Variants in HNRNPLL observed in about 807,000 individuals in gnomAD.
The protein encoded by HNRNPLL is heterogeneous nuclear ribonucleoprotein L-like.
In HNRNPLL, 25 loss-of-function variants were observed where a neutral mutation model predicts 67.1. The ratio of observed to expected loss-of-function variants is 0.37; its 90% CI spans 0.27 to 0.52. The LOEUF (loss-of-function observed/expected upper bound fraction) is 0.52, where lower values mean the gene tolerates loss of function less well. HNRNPLL is among the 20% of genes least tolerant of loss of function. The pLI is 0.90. For synonymous variants in HNRNPLL, 267 were observed against 241.7 expected (o/e 1.10, Z -0.97); for missense variants, 542 against 673.9 (o/e 0.80, Z 2.17).
At position 38,591,646 on chromosome 2, in the gene HNRNPLL, C is replaced by A. The variant is rs944080276; in HGVS notation, c.192G>T (p.Glu64Asp). Residue 64 changes from glutamate (E) to aspartate (D), a missense_variant and splice_region_variant, in exon 2 of 13, where the codon GAG becomes GAT. Glu to Asp is a conservative substitution (Grantham distance 45). Transcript: ENST00000449105. ...AAACTTTATGATGACTTCCACCTGC[C>A]TCCTAGCAAGAGAAAATAATTTCTA... The part of the protein sequence containing the change: ...GGGGRSFSQP[E>D]AGGSHHKVSV... 7.5e-6 allele frequency: 12 copies of A among 1,600,698 alleles called. No homozygotes were observed. The highest frequency in any genetic ancestry group is 9.4e-6 in the Non-Finnish European group (11 of 1,168,320).
intron 1 of HNRNPLL, among the ~76,000 whole-genome samples, chr2:38,596,627 A>G (rs1667204164): frequency 6.6e-6 from 1 of 152,122 alleles, no homozygotes; most frequent in Admixed American, 6.6e-5. Flanking sequence ...TGACTCCTAA[A>G]CTGGTGAACA....
chr2:38,595,295 A>AAAG (rs1164810480), intron 1 of HNRNPLL, among the ~76,000 whole-genome samples: 1 of 143,714 alleles, frequency 7.0e-6, no homozygotes, highest in Non-Finnish European at 1.5e-5. Context: ...AAAAAAAAAA[A>AAAG]AAGAAAAGAA....
intron 7 of HNRNPLL, among the ~76,000 whole-genome samples, chr2:38,575,888 G>A (rs1048104822): frequency 4.6e-5 from 7 of 151,030 alleles, no homozygotes; most frequent in Non-Finnish European, 8.9e-5. Context: ...CTCTTTATTC[G>A]CTCTCTTTCC....
At position 38,568,412 on chromosome 2, in the gene HNRNPLL, A is replaced by C. The variant is rs200810217; in HGVS notation, c.1448T>G (p.Ile483Ser). ...TTTTGCATCAAACACTTTATATTTG[A>C]TGAATGTAAGAACTTCATGGTCATT... ...LCNDHEVLTFIKYKVFDAKPS... is the reference protein window; with the variant it reads ...LCNDHEVLTFSKYKVFDAKPS... Residue 483 changes from isoleucine (I) to serine (S), a missense_variant, in exon 11 of 13, where the codon ATC (isoleucine) becomes AGC (serine). By Grantham distance (142) the Ile-to-Ser change is moderately radical. This residue lies in a region of HNRNPLL where 415 missense variants were observed against 575.2 expected (regional missense o/e 0.72). Coordinates refer to ENST00000449105, the MANE Select transcript of HNRNPLL (RefSeq NM_138394.4). 7.5e-6 allele frequency: 12 copies of C among 1,608,634 alleles called. No individual in the cohort carries two copies. The highest frequency in any genetic ancestry group is 8.5e-6 in the Non-Finnish European group (10 of 1,176,226).
At chr2:38,580,820 T>C (rs1431804077) in intron 6 of HNRNPLL, among the ~76,000 whole-genome samples, 1 of 152,230 alleles carries the variant, frequency 6.6e-6, no homozygotes, top group Non-Finnish European at 1.5e-5. Context: ...TTTAAAGATA[T>C]TCTATCTTGA....
chr2:38,582,031 C>A, intron 5 of HNRNPLL, 41 bp downstream of exon 5: 1 of 1,597,704 alleles, frequency 6.3e-7, no homozygotes. Context: ...ATATCCAAAG[C>A]ATAAATATTT....
intron 12 of HNRNPLL, among the ~76,000 whole-genome samples, chr2:38,567,381 G>A (rs1665908005): frequency 6.6e-6 from 1 of 152,096 alleles, no homozygotes; most frequent in Non-Finnish European, 1.5e-5. Flanking sequence ...CTCCCAAAGT[G>A]CTGGGATTAC....
intron 2 of HNRNPLL, 144 bp from the exon 3 acceptor site, chr2:38,586,025 C>CTTTT: frequency 5.6e-6 from 3 of 538,594 alleles, no homozygotes; most frequent in African/African-American, 2.0e-5. Context: ...CGTAAGTCAA[C>CTTTT]TTTTTTTTTT....
intron 4 of HNRNPLL, 135 bp from the exon 5 acceptor site, chr2:38,582,303 T>G (rs1666559930): frequency 1.4e-6 from 1 of 703,622 alleles, no homozygotes; most frequent in Admixed American, 2.6e-5. Context: ...AGGATGAATT[T>G]TAAGAGAATT....
rs1466415757 is a variant in HNRNPLL, at chr2:38,562,614, A to G, written c.*1568T>C. On this transcript the variant is annotated 3_prime_UTR_variant, in exon 13 of 13. Transcript: ENST00000449105. ...GATAAACTTAGGTATTAAATTGGCA[A>G]TGAATAAGAAACATACATAGCCCAG... is the stretch of plus-strand genomic sequence containing the variant. The G allele has an allele frequency of 6.6e-6, 1 of 152,196 alleles. No individual in the cohort carries two copies. The highest frequency in any genetic ancestry group is 1.5e-5 in the Non-Finnish European group (1 of 67,994). 9.4% of individuals were successfully genotyped at this position (152,196 alleles called of 1,614,324 possible).
Position 38,562,458 on chromosome 2 carries a change from C to A in HNRNPLL, c.*1724G>T, listed in dbSNP as rs1665706456. The A allele has an allele frequency of 1.3e-5, 2 of 152,136 alleles. No individual in the cohort carries two copies. The highest frequency in any genetic ancestry group is 2.9e-5 in the Non-Finnish European group (2 of 68,004). The allele number at this position is 152,136 out of a possible 1,614,324, so 9.4% of individuals were successfully genotyped here. ...GGCATTAAAAAGTCTGTAATTCTGA[C>A]AACCCACATTAATTTTCAGAGGAGG... is the stretch of plus-strand genomic sequence containing the variant. On this transcript the variant is annotated 3_prime_UTR_variant, in exon 13 of 13. Coordinates refer to ENST00000449105, the MANE Select transcript of HNRNPLL (RefSeq NM_138394.4).
intron 2 of HNRNPLL, among the ~76,000 whole-genome samples, chr2:38,591,247 T>C (rs1260391632): frequency 6.6e-6 from 1 of 151,882 alleles, no homozygotes; most frequent in Non-Finnish European, 1.5e-5. Context: ...ACGGACTCAT[T>C]TGAAAATCAG....
At position 38,602,811 on chromosome 2, in the gene HNRNPLL, G is replaced by A; in HGVS notation, c.-185C>T. ...CTGAGAAGCGCGGACGGACTGAGGG[G>A]GGCGCCCCGGGAGGAAGCTCTGGAG... is the stretch of plus-strand genomic sequence containing the variant. On this transcript the variant is annotated 5_prime_UTR_variant, in exon 1 of 13. Transcript: ENST00000449105. 1.3e-6 allele frequency: 2 copies of A among 1,544,928 alleles called. No individual in the cohort carries two copies. The highest frequency in any genetic ancestry group is 8.7e-7 in the Non-Finnish European group (1 of 1,144,704).
chr2:38,601,682 T>A (rs1440980159), intron 1 of HNRNPLL: 3 of 152,182 alleles, frequency 2.0e-5, no homozygotes, highest in East Asian at 1.9e-4. Context: ...TGAGCTCACT[T>A]CATCCTTTCA....
intron 4 of HNRNPLL, among the ~76,000 whole-genome samples, chr2:38,582,379 G>A (rs1302963123): frequency 1.3e-5 from 2 of 152,004 alleles, no homozygotes; most frequent in Non-Finnish European, 2.9e-5. Flanking sequence ...GGCGCGACCT[G>A]GGCTCAATGC....
intron 12 of HNRNPLL, among the ~76,000 whole-genome samples, 173 bp from the exon 13 acceptor site, chr2:38,564,410 A>G (rs1192205897): frequency 1.3e-5 from 2 of 152,036 alleles, no homozygotes; most frequent in Non-Finnish European, 2.9e-5. Context: ...ACCTGAAGTC[A>G]GGAGTTCGAG....
Position 38,577,476 on chromosome 2 carries a change from TA to T in HNRNPLL, c.858del (p.Phe286LeufsTer52). ...QAILGEHPSS[F>X]RHDGYGSHGP... ...GACAACTTACCATAGCCATCATGTC[TA>T]AACGAAGAAGGGTGTTCTCCCAAAA... On this transcript the variant is annotated frameshift_variant, in exon 7 of 13. Transcript: ENST00000449105. LOFTEE classifies it high-confidence loss of function. The T allele has an allele frequency of 6.2e-7, 1 of 1,605,872 alleles. No homozygotes were observed. The highest frequency in any genetic ancestry group is 8.5e-7 in the Non-Finnish European group (1 of 1,172,708).
Position 38,568,286 on chromosome 2 carries a change from T to C in HNRNPLL, c.1486A>G (p.Thr496Ala). ...KVFDAKPSAKTLSGLLEWECK... is the reference protein window; with the variant it reads ...KVFDAKPSAKALSGLLEWECK... ...TCCCATTCTAATAGCCCAGAAAGTG[T>C]TTTGGCTGAAGCTAAAACAAAAAAA... is the stretch of plus-strand genomic sequence containing the variant. The change falls in exon 12 of 13, where the codon ACA (threonine) becomes GCA (alanine). Residue 496 changes from threonine (T) to alanine (A), a missense_variant. Transcript: ENST00000449105. 1 of 1,613,444 alleles carries C rather than the reference T, an allele frequency of 6.2e-7. No individual in the cohort carries two copies. Among genetic ancestry groups the C allele is most frequent in the East Asian group, 2.2e-5 (1 of 44,822 alleles).
chr2:38,579,793 C>T (rs982085132), intron 6 of HNRNPLL, among the ~76,000 whole-genome samples: 1 of 151,716 alleles, frequency 6.6e-6, no homozygotes, highest in African/African-American at 2.4e-5. Context: ...TTGGGGATAG[C>T]AACCTAACAG....
Sources: allele counts gnomAD v4.1 joint callset (sites outside exome capture counted in the v4.1 genomes callset), GRCh38; gene constraint gnomAD v4.1.1; regional missense constraint gnomAD v4.1.1; transcripts MANE v1.5; gene names NCBI Gene and HGNC (gene_info 2026-07-23, HGNC 2026-07-21).